SCFD2: variants seen among roughly 807,000 people sequenced by gnomAD.
The protein encoded by SCFD2 is sec1 family domain-containing protein 2.
SCFD2 carries 54 observed loss-of-function variants against 58.9 expected under a neutral mutation model. The observed-to-expected ratio is 0.92, with a 90% CI of 0.74 to 1.15. The LOEUF (loss-of-function observed/expected upper bound fraction) is 1.15. Among genes scored for constraint, SCFD2 ranks in the 50% most tolerant of loss-of-function variants. The pLI, the probability that SCFD2 is intolerant of heterozygous loss-of-function variation, is 0.00. For synonymous variants in SCFD2, 321 were observed against 335.9 expected, an observed-to-expected ratio of 0.96 and a Z score of 0.49; for missense variants, 805 against 836.6, an observed-to-expected ratio of 0.96 and a Z score of 0.47.
rs754781299 is a variant in SCFD2 at position 52,913,345 on chromosome 4, C to T, written c.1708-5754G>A. On this transcript the variant is annotated intron_variant, in intron 6 of 8. Transcript: ENST00000401642. ...ACCACTTGCATTACCGCCTGAGTTC[C>T]GCCTCCTGTCAGATCAGTGATGGCT... is the stretch of plus-strand genomic sequence containing the variant. Among the ~76,000 whole-genome samples, 6 of 152,260 alleles carry T rather than the reference C, an allele frequency of 3.9e-5. No individual in the cohort carries two copies. The East Asian group carries it at 7.7e-4, about 20-fold the overall frequency.
At chr4:52,882,103 C>T (rs544221008) in intron 8 of SCFD2, among the ~76,000 whole-genome samples, 34 of 152,114 alleles carry the variant, frequency 2.2e-4, no homozygotes, top group African/African-American at 8.0e-4. Context: ...AAGTGCGAGA[C>T]AGGGAGAAAA....
At chr4:53,281,227 G>A (rs1230515617) in intron 3 of SCFD2, among the ~76,000 whole-genome samples, 2 of 152,086 alleles carry the variant, frequency 1.3e-5, no homozygotes, top group Middle Eastern at 6.3e-3. Context: ...TAGAAATTTA[G>A]CATGCCTTTT....
intron 5 of SCFD2, among the ~76,000 whole-genome samples, chr4:53,095,910 C>T (rs1485130258): frequency 3.3e-5 from 5 of 152,146 alleles, no homozygotes; most frequent in Admixed American, 3.3e-4. Context: ...TGATGTTCCC[C>T]TTCCTGTGCC....
At chr4:53,031,306 C>T (rs1722610101) in intron 5 of SCFD2, among the ~76,000 whole-genome samples, 1 of 152,130 alleles carries the variant, frequency 6.6e-6, no homozygotes, top group Admixed American at 6.5e-5. Context: ...TGGGGAGAAA[C>T]CAGTGCAAAA....
chr4:52,963,821 T>C (rs1278905927), intron 5 of SCFD2, among the ~76,000 whole-genome samples: 1 of 152,166 alleles, frequency 6.6e-6, no homozygotes, highest in Non-Finnish European at 1.5e-5. Context: ...GAGGGGAGGA[T>C]AAAATGTTGC....
At chr4:52,899,019 G>A (rs182294235) in intron 7 of SCFD2, among the ~76,000 whole-genome samples, 45 of 151,988 alleles carry the variant, frequency 3.0e-4, no homozygotes, top group Non-Finnish European at 4.4e-4. Flanking sequence ...TTCCTCCATC[G>A]CTTTATTTTG....
chr4:53,003,286 T>C (rs1450325576), intron 5 of SCFD2, among the ~76,000 whole-genome samples: 4 of 152,216 alleles, frequency 2.6e-5, no homozygotes, highest in African/African-American at 9.6e-5. Context: ...CGGATCTCTG[T>C]CCTCATCAGA....
chr4:53,261,806 G>A (rs1730836816), intron 4 of SCFD2, among the ~76,000 whole-genome samples: 1 of 152,144 alleles, frequency 6.6e-6, no homozygotes, highest in Non-Finnish European at 1.5e-5. Flanking sequence ...CCTGTCTAGT[G>A]CTGTCAGTGG....
intron 4 of SCFD2, among the ~76,000 whole-genome samples, chr4:53,231,648 T>C (rs189721616): frequency 3.3e-5 from 5 of 152,292 alleles, no homozygotes; most frequent in East Asian, 3.9e-4. Flanking sequence ...TCCTGGTCAA[T>C]AGAGAAGAGT....
At chr4:52,897,207 G>C (rs577033675) in intron 7 of SCFD2, among the ~76,000 whole-genome samples, 1 of 152,210 alleles carries the variant, frequency 6.6e-6, no homozygotes, top group East Asian at 1.9e-4. Flanking sequence ...AACAGGAGTG[G>C]TGAGAGAGGG....
At chr4:53,184,877 AAG>A (rs2148952312) in intron 4 of SCFD2, among the ~76,000 whole-genome samples, 1 of 152,262 alleles carries the variant, frequency 6.6e-6, no homozygotes, top group East Asian at 1.9e-4. Flanking sequence ...TACCAGCTAC[AAG>A]AGATTAACTT....
chr4:53,212,035 T>C (rs1231212574), intron 4 of SCFD2, among the ~76,000 whole-genome samples: 1 of 152,202 alleles, frequency 6.6e-6, no homozygotes, highest in Middle Eastern at 3.4e-3. Context: ...CTCCTTCACT[T>C]CTTCCCTTCT....
chr4:53,090,483 G>A (rs757377210), intron 5 of SCFD2, among the ~76,000 whole-genome samples: 15 of 152,198 alleles, frequency 9.9e-5, no homozygotes, highest in Non-Finnish European at 1.6e-4. Flanking sequence ...TTCTTAGAAT[G>A]TCAGTGCTGG....
chr4:53,147,095 G>T (rs1198944034), intron 4 of SCFD2, among the ~76,000 whole-genome samples: 1 of 152,242 alleles, frequency 6.6e-6, no homozygotes, highest in Non-Finnish European at 1.5e-5. Flanking sequence ...TGGGGCTGCA[G>T]TGAGCTATGA....
intron 6 of SCFD2, among the ~76,000 whole-genome samples, chr4:52,915,364 C>A (rs1719576633): frequency 6.6e-6 from 1 of 152,148 alleles, no homozygotes; most frequent in African/African-American, 2.4e-5. Flanking sequence ...TCTGAACAAC[C>A]AGCCTCTCAG....
At chr4:53,332,497 C>G (rs563461683) in intron 2 of SCFD2, among the ~76,000 whole-genome samples, 37 of 152,044 alleles carry the variant, frequency 2.4e-4, no homozygotes, top group Non-Finnish European at 4.6e-4. Flanking sequence ...AGAAAAAAAC[C>G]ACATGATTAT....
At chr4:53,303,748 T>C (rs929135465) in intron 3 of SCFD2, among the ~76,000 whole-genome samples, 2 of 151,774 alleles carry the variant, frequency 1.3e-5, no homozygotes, top group Non-Finnish European at 2.9e-5. Flanking sequence ...GTGGCACATA[T>C]ACACCATGGA....
At chr4:53,112,862 G>C (rs376842529) in intron 5 of SCFD2, among the ~76,000 whole-genome samples, 2 of 151,910 alleles carry the variant, frequency 1.3e-5, no homozygotes, top group African/African-American at 4.8e-5. Flanking sequence ...TAGGACAATG[G>C]CTTCCTCATT....
At chr4:52,952,364 G>C (rs1242194891) in intron 5 of SCFD2, among the ~76,000 whole-genome samples, 1 of 151,132 alleles carries the variant, frequency 6.6e-6, no homozygotes, top group Admixed American at 6.6e-5. Context: ...CTTTCTGGGG[G>C]ACAATCTAAA....
Sources: gnomAD v4.1 joint callset for allele counts (sites outside exome capture counted in the v4.1 genomes callset) on GRCh38, gnomAD v4.1.1 for gene constraint, MANE v1.5 for transcripts, NCBI Gene and HGNC (gene_info 2026-07-23, HGNC 2026-07-21) for gene names.